The following DERA variants were observed in gnomAD, a reference collection of about 807,000 sequenced individuals.
DERA encodes the protein deoxyribose-phosphate aldolase.
DERA carries 15 observed loss-of-function variants against 41.1 expected under a neutral mutation model. The observed-to-expected ratio is 0.37, with a 90% CI of 0.24 to 0.56. DERA has a LOEUF of 0.56. Among genes scored for constraint, DERA ranks in the 20% least tolerant of loss-of-function variants. The pLI, the probability that DERA is intolerant of heterozygous loss-of-function variation, is 0.81. For synonymous variants in DERA, 139 were observed against 137.4 expected (o/e 1.01, Z -0.08); for missense variants, 396 against 403.4 (o/e 0.98, Z 0.16).
At position 15,936,724 on chromosome 12, in the gene DERA, G is replaced by A. The variant is rs528688488; in HGVS notation, c.32-20212G>A. 3.9e-5 allele frequency among the ~76,000 whole-genome samples: 6 copies of A among 152,260 alleles called. No homozygotes were observed. The South Asian group carries it at 1.0e-3, about 26-fold the overall frequency. ...ATTCAGTTGTGTTTGTCTTCCTTTA[G>A]AGCAGAACTCCCTTTTTAGTATCAT... On this transcript the variant is annotated intron_variant, in intron 1 of 8. Transcript: ENST00000428559. This position sits in a 1 kb window ranked among gnomAD's most constrained non-coding sequence, Gnocchi z 4.6.
At position 15,911,388 on chromosome 12, in the gene DERA, CCGCGCACAATCGGGGCA is replaced by C; in HGVS notation, c.7_23del (p.Ala3ArgfsTer5). On this transcript the variant is annotated frameshift_variant, in exon 1 of 9. Transcript: ENST00000428559. LOFTEE classifies it high-confidence loss of function. The surrounding 1 kb of genome is among the most constrained non-coding windows in gnomAD (Gnocchi z 4.5). ...AGCTCCGGAGCTGCCCGCGCCATGT[CCGCGCACAATCGGGGCA>C]CCGAGCTCGGTAAGGGGCCCGCGGG... 3 of 1,406,116 alleles carry C rather than the reference CCGCGCACAATCGGGGCA, an allele frequency of 2.1e-6. No individual in the cohort carries two copies. The highest frequency in any genetic ancestry group is 2.7e-6 in the Non-Finnish European group (3 of 1,092,662). The allele number at this position is 1,406,116 out of a possible 1,614,324, so 87.1% of individuals were successfully genotyped here.
Position 15,959,729 on chromosome 12 carries a change from A to T in DERA, c.278-100A>T. On this transcript the variant is annotated intron_variant, in intron 3 of 8. Coordinates refer to ENST00000428559, the MANE Select transcript of DERA (RefSeq NM_015954.4). The surrounding 1 kb of genome is among the most constrained non-coding windows in gnomAD (Gnocchi z 4.5). ...ATTGTGGGGGAATTATTTTTTTCTC[A>T]TTTGATTTTTGCCAGTGTTGCGATA... 2.8e-6 allele frequency: 2 copies of T among 713,024 alleles called. No individual in the cohort carries two copies. Among genetic ancestry groups the T allele is most frequent in the Non-Finnish European group, 2.3e-6 (1 of 436,338 alleles). The allele number at this position is 713,024 out of a possible 1,614,324, so 44.2% of individuals were successfully genotyped here.
intron 5 of DERA, among the ~76,000 whole-genome samples, chr12:15,974,635 A>G (rs1183306606): frequency 1.3e-5 from 2 of 152,186 alleles, no homozygotes; most frequent in African/African-American, 2.4e-5. Flanking sequence ...TGTAAAATTA[A>G]TAAGTATTTT....
chr12:16,015,436 A>G (rs941290029), intron 6 of DERA, among the ~76,000 whole-genome samples: 3 of 152,202 alleles, frequency 2.0e-5, no homozygotes, highest in African/African-American at 7.2e-5. Context: ...TTCACTTGGC[A>G]CATCTCCTTC....
rs1236677541 is a variant in DERA at position 15,998,536 on chromosome 12, C to T, written c.637+16100C>T. ...TTCTTCATATTGGCCAGGCTGGTCT[C>T]GAACTCCTGACCTCAGGTGATCCGC... On this transcript the variant is annotated intron_variant, in intron 6 of 8. Coordinates refer to ENST00000428559, the MANE Select transcript of DERA (RefSeq NM_015954.4). The surrounding 1 kb of genome is among the most constrained non-coding windows in gnomAD (Gnocchi z 4.8). 2.0e-5 allele frequency among the ~76,000 whole-genome samples: 3 copies of T among 152,044 alleles called. No individual in the cohort carries two copies. Among genetic ancestry groups the T allele is most frequent in the East Asian group, 1.9e-4 (1 of 5,176 alleles).
At chr12:16,032,125 T>C (rs1592059436) in intron 6 of DERA, among the ~76,000 whole-genome samples, 1 of 152,346 alleles carries the variant, frequency 6.6e-6, no homozygotes, top group East Asian at 1.9e-4. Flanking sequence ...AACTGTATAC[T>C]GTGTACTTTT....
At position 15,996,185 on chromosome 12, in the gene DERA, G is replaced by GTT; in HGVS notation, c.637+13750_637+13751insTT. 6.9e-6 allele frequency among the ~76,000 whole-genome samples: 1 copy of GTT among 145,560 alleles called. No individual in the cohort carries two copies. Among genetic ancestry groups the GTT allele is most frequent in the Middle Eastern group, 3.6e-3 (1 of 276 alleles). On this transcript the variant is annotated intron_variant, in intron 6 of 8. Transcript: ENST00000428559. The surrounding 1 kb of genome is among the most constrained non-coding windows in gnomAD (Gnocchi z 4.7). ...TGTGTGTGTGTGTGTGTGTGTGTGT[G>GTT]TGTGTGTAATTTAAGAGTAGATTAC...
chr12:16,006,545 T>C (rs1402813374), intron 6 of DERA, among the ~76,000 whole-genome samples: 2 of 152,252 alleles, frequency 1.3e-5, no homozygotes, highest in Non-Finnish European at 2.9e-5. Context: ...CCCTGCCATC[T>C]GGAGACAGAA....
chr12:16,034,766 A>G (rs1049918732), intron 7 of DERA, among the ~76,000 whole-genome samples: 4 of 152,336 alleles, frequency 2.6e-5, no homozygotes, highest in African/African-American at 9.6e-5. Flanking sequence ...TTAAAAAAAA[A>G]AAAGATAAAC....
rs1249121562 is a variant in DERA, at chr12:15,935,542, T to TA, written c.32-21393dup. Among the ~76,000 whole-genome samples the TA allele has an allele frequency of 2.6e-5, 4 of 152,214 alleles. No individual in the cohort carries two copies. The highest frequency in any genetic ancestry group is 7.2e-5 in the African/African-American group (3 of 41,452). On this transcript the variant is annotated intron_variant, in intron 1 of 8. Coordinates refer to ENST00000428559, the MANE Select transcript of DERA (RefSeq NM_015954.4). This position sits in a 1 kb window ranked among gnomAD's most constrained non-coding sequence, Gnocchi z 4.8. ...AAAAAGAAATTTCATTGAGGTATAA[T>TA]ATATGTTCAGTTTTCACATATCTGT...
rs760775862 is a variant in DERA at position 15,922,924 on chromosome 12, TG to T, written c.31+11514del. ...GATAATGGGGGAGGCTATGCATGTG[TG>T]GGGCAAAGCTTGTGTGGGAAATCTC... On this transcript the variant is annotated intron_variant, in intron 1 of 8. Transcript: ENST00000428559. The surrounding 1 kb of genome is among the most constrained non-coding windows in gnomAD (Gnocchi z 4.9). Among the ~76,000 whole-genome samples, 235 of 151,774 alleles carry T rather than the reference TG, an allele frequency of 1.5e-3. No individual in the cohort carries two copies. Among genetic ancestry groups the T allele is most frequent in the Middle Eastern group, 3.4e-3 (1 of 294 alleles).
chr12:15,950,832 A>G (rs375389736), intron 1 of DERA, among the ~76,000 whole-genome samples: 3 of 152,372 alleles, frequency 2.0e-5, no homozygotes, highest in African/African-American at 4.8e-5. Context: ...GGAAAGGCCT[A>G]TGAGAATAAG....
At position 15,913,693 on chromosome 12, in the gene DERA, A is replaced by G. The variant is rs948159564; in HGVS notation, c.31+2279A>G. Reference sequence around the variant, plus strand: ...TAAAAAAACATTGAGTTCCTTTGAGACTAAACCTGACCCTCATGATTAAAA... The same window carrying G: ...TAAAAAAACATTGAGTTCCTTTGAGGCTAAACCTGACCCTCATGATTAAAA... On this transcript the variant is annotated intron_variant, in intron 1 of 8. Coordinates refer to ENST00000428559, the MANE Select transcript of DERA (RefSeq NM_015954.4). The surrounding 1 kb of genome is among the most constrained non-coding windows in gnomAD (Gnocchi z 4.5). Among the ~76,000 whole-genome samples the G allele has an allele frequency of 2.6e-5, 4 of 152,184 alleles. No homozygotes were observed. The highest frequency in any genetic ancestry group is 6.5e-5 in the Admixed American group (1 of 15,278).
chr12:15,963,102 A>C (rs926648998), intron 5 of DERA, among the ~76,000 whole-genome samples, 155 bp downstream of exon 5: 1 of 152,222 alleles, frequency 6.6e-6, no homozygotes, highest in Non-Finnish European at 1.5e-5. Context: ...AAGATTACCC[A>C]TCCTTGTGCC....
chr12:16,033,607 G>A (rs1218298880), intron 7 of DERA, among the ~76,000 whole-genome samples: 1 of 150,938 alleles, frequency 6.6e-6, no homozygotes, highest in South Asian at 2.1e-4. Flanking sequence ...GTGTGTGTGT[G>A]TGTGTGTGTG....
chr12:15,941,863 A>T lies in DERA; in HGVS notation c.32-15073A>T, dbSNP rs541448774. On this transcript the variant is annotated intron_variant, in intron 1 of 8. Transcript: ENST00000428559. The surrounding 1 kb of genome is among the most constrained non-coding windows in gnomAD (Gnocchi z 4.5). ...TGCATGTTGTCTTTTTCATATAATG[A>T]CTTCTTTTCCTTTGGGAAGATACCT... Among the ~76,000 whole-genome samples, 11 of 152,274 alleles carry T rather than the reference A, an allele frequency of 7.2e-5. No individual in the cohort carries two copies. Among genetic ancestry groups the T allele is most frequent in the African/African-American group, 2.6e-4 (11 of 41,546 alleles).
intron 5 of DERA, among the ~76,000 whole-genome samples, chr12:15,971,634 A>G (rs1948661244): frequency 1.3e-5 from 2 of 148,934 alleles, no homozygotes; most frequent in South Asian, 4.2e-4. Flanking sequence ...CTCCTGCCTC[A>G]GCGTCCCGAG....
chr12:16,006,648 C>A (rs1364812814), intron 6 of DERA, among the ~76,000 whole-genome samples: 1 of 152,230 alleles, frequency 6.6e-6, no homozygotes, highest in Non-Finnish European at 1.5e-5. Flanking sequence ...TCTTCTCCAG[C>A]ATTTTGGACA....
Position 16,021,457 on chromosome 12 carries a change from T to C in DERA, c.638-11085T>C, listed in dbSNP as rs949380613. 6.6e-6 allele frequency among the ~76,000 whole-genome samples: 1 copy of C among 152,206 alleles called. No individual in the cohort carries two copies. The highest frequency in any genetic ancestry group is 1.5e-5 in the Non-Finnish European group (1 of 68,024). The stretch of plus-strand genomic sequence containing the variant: ...CAGAGGATGTGTCAGAAAGACTGGG[T>C]ACCCAGGCAGGGATTCTCTACTAAG... On this transcript the variant is annotated intron_variant, in intron 6 of 8. Coordinates refer to ENST00000428559, the MANE Select transcript of DERA (RefSeq NM_015954.4). This position sits in a 1 kb window ranked among gnomAD's most constrained non-coding sequence, Gnocchi z 5.3.
Sources: allele counts gnomAD v4.1 joint callset (sites outside exome capture counted in the v4.1 genomes callset), GRCh38; gene constraint gnomAD v4.1.1; non-coding constraint Gnocchi (gnomAD v3.1); transcripts MANE v1.5; gene names NCBI Gene and HGNC (gene_info 2026-07-23, HGNC 2026-07-21).